CCDC141: variants seen among roughly 807,000 people sequenced by gnomAD.
CCDC141 encodes coiled-coil domain containing 141, also known as coiled-coil domain-containing protein 141.
Under a neutral mutation model 181.0 loss-of-function variants are expected in CCDC141, and 168 were observed. The observed-to-expected ratio is 0.93, with a 90% CI of 0.82 to 1.05. The LOEUF (loss-of-function observed/expected upper bound fraction) is 1.05. CCDC141 is among the 50% of genes least tolerant of loss of function. The pLI is 0.00. For synonymous variants in CCDC141, 666 were observed against 642.3 expected, an observed-to-expected ratio of 1.04 and a Z score of -0.56; for missense variants, 1,902 against 1,788.5, an observed-to-expected ratio of 1.06 and a Z score of -1.14.
chr2:178,856,203 T>C, intron 18 of CCDC141, 54 bp downstream of exon 18: 1 of 1,411,494 alleles, frequency 7.1e-7, no homozygotes, highest in African/African-American at 1.4e-5. Flanking sequence ...TTGCAATAAT[T>C]GTGTAGTACA....
downstream of CCDC141, among the ~76,000 whole-genome samples, chr2:178,828,667 C>T (rs565306938): frequency 6.6e-6 from 1 of 152,256 alleles, no homozygotes; most frequent in South Asian, 2.1e-4. Context: ...AAGTGGTTTC[C>T]TACCTTGTCT....
intron 5 of CCDC141, among the ~76,000 whole-genome samples, chr2:178,951,616 G>A (rs1559002430): frequency 6.6e-6 from 1 of 152,152 alleles, no homozygotes; most frequent in Non-Finnish European, 1.5e-5. Context: ...ATGAGAATGA[G>A]GGAAGAGGAG....
At chr2:178,979,679 C>G (rs890447945) in intron 2 of CCDC141, among the ~76,000 whole-genome samples, 19 of 152,098 alleles carry the variant, frequency 1.2e-4, no homozygotes, top group African/African-American at 4.6e-4. Flanking sequence ...GACTATAATA[C>G]TGAATAAATT....
At chr2:178,841,788 G>A (rs1184341795) in intron 22 of CCDC141, among the ~76,000 whole-genome samples, 2 of 152,010 alleles carry the variant, frequency 1.3e-5, no homozygotes, top group Non-Finnish European at 2.9e-5. Context: ...GGGATTACAG[G>A]CACCCAGCTA....
chr2:178,999,890 C>T (rs1240271109), intron 2 of CCDC141, among the ~76,000 whole-genome samples: 1 of 151,998 alleles, frequency 6.6e-6, no homozygotes, highest in South Asian at 2.1e-4. Context: ...GGTATTAGCC[C>T]CTTTAAAGCA....
chr2:178,940,866 C>G (rs1386409159), intron 6 of CCDC141, among the ~76,000 whole-genome samples: 2 of 152,188 alleles, frequency 1.3e-5, no homozygotes, highest in Non-Finnish European at 2.9e-5. Flanking sequence ...GTTTTCTACA[C>G]TCATCTTGCT....
At chr2:178,939,896 C>T (rs1341450566) in intron 6 of CCDC141, among the ~76,000 whole-genome samples, 1 of 152,108 alleles carries the variant, frequency 6.6e-6, no homozygotes, top group Non-Finnish European at 1.5e-5. Flanking sequence ...CCCCACTATA[C>T]CAAAGTTACT....
chr2:179,018,238 C>T (rs1048058835), intron 2 of CCDC141, among the ~76,000 whole-genome samples: 4 of 152,022 alleles, frequency 2.6e-5, no homozygotes, highest in Admixed American at 2.6e-4. Flanking sequence ...GTTAAATGGT[C>T]CCCTGAATAG....
intron 11 of CCDC141, among the ~76,000 whole-genome samples, chr2:178,878,478 ATTTTTTTTTTT>A (rs766496516): frequency 8.7e-6 from 1 of 114,626 alleles, no homozygotes; most frequent in Admixed American, 9.5e-5. Flanking sequence ...GGCCTGGCTA[ATTTTTTTTTTT>A]TTTTTTTTTG....
chr2:178,845,716 C>A lies in CCDC141; in HGVS notation c.3384G>T (p.Pro1128=). The A allele has an allele frequency of 1.2e-6, 2 of 1,611,142 alleles. No homozygotes were observed. The highest frequency in any genetic ancestry group is 1.7e-6 in the Non-Finnish European group (2 of 1,177,506). Residue 1128 remains proline (P), a synonymous_variant, in exon 22 of 24, where the codon CCG becomes CCT. Coordinates refer to ENST00000443758, the MANE Select transcript of CCDC141 (RefSeq NM_173648.4). ...AATCATAATGGAAGTCTTCCAAATT[C>A]GGATTCATCTTTAAAACATCTCCCT... ...LKQGDVLKMN[P]NLEDFHYDYI... is the part of the protein sequence containing the mutation.
the CCDC141 span, among the ~76,000 whole-genome samples, chr2:178,820,950 T>A: frequency 6.6e-6 from 1 of 152,194 alleles, no homozygotes; most frequent in Non-Finnish European, 1.5e-5. Context: ...AAGTGACTTT[T>A]TATTTTCTAT....
intron 2 of CCDC141, among the ~76,000 whole-genome samples, chr2:179,013,008 A>G (rs2042314718): frequency 6.6e-6 from 1 of 152,138 alleles, no homozygotes; most frequent in Non-Finnish European, 1.5e-5. Flanking sequence ...CAGCCAACAC[A>G]ATACTGAATG....
chr2:178,988,247 C>T (rs1691850351), intron 2 of CCDC141, among the ~76,000 whole-genome samples: 1 of 146,222 alleles, frequency 6.8e-6, no homozygotes, highest in Non-Finnish European at 1.5e-5. Context: ...TATATTCTCA[C>T]TCATAGGTGG....
chr2:178,849,544 A>T (rs1369116576), intron 21 of CCDC141, among the ~76,000 whole-genome samples: 2 of 152,224 alleles, frequency 1.3e-5, no homozygotes, highest in African/African-American at 4.8e-5. Context: ...TTAGACATAA[A>T]CATATTCTCC....
chr2:179,032,714 A>G (rs1391370852), intron 2 of CCDC141, among the ~76,000 whole-genome samples: 2 of 152,040 alleles, frequency 1.3e-5, no homozygotes, highest in Non-Finnish European at 2.9e-5. Flanking sequence ...CAGTTAGTGG[A>G]GACAGGGTGG....
intron 6 of CCDC141, among the ~76,000 whole-genome samples, chr2:178,925,778 A>G (rs1479184120): frequency 6.6e-6 from 1 of 152,114 alleles, no homozygotes; most frequent in Non-Finnish European, 1.5e-5. Context: ...TTTGCCTACA[A>G]TCAGATTGTG....
chr2:178,923,271 A>AT (rs1317356352), intron 6 of CCDC141, among the ~76,000 whole-genome samples: 191 of 150,938 alleles, frequency 1.3e-3, no homozygotes, highest in Middle Eastern at 3.4e-3. Flanking sequence ...CGCCCGGCTA[A>AT]TTTTTTGTAT....
At chr2:178,971,602 C>T (rs181511696) in intron 4 of CCDC141, among the ~76,000 whole-genome samples, 134 of 152,304 alleles carry the variant, frequency 8.8e-4, no homozygotes, top group African/African-American at 2.8e-3. Context: ...AATCATTCTA[C>T]TATGAAGACA....
intron 7 of CCDC141, among the ~76,000 whole-genome samples, chr2:178,914,696 T>C (rs1264492869): frequency 1.3e-5 from 2 of 152,218 alleles, no homozygotes; most frequent in Admixed American, 1.3e-4. Flanking sequence ...CTCTGCTATT[T>C]ATTTTCTAGC....
Sources: allele counts gnomAD v4.1 joint callset (sites outside exome capture counted in the v4.1 genomes callset), GRCh38; gene constraint gnomAD v4.1.1; transcripts MANE v1.5; gene names NCBI Gene and HGNC (gene_info 2026-07-23, HGNC 2026-07-21).